Variants in GALNT14 observed in about 807,000 individuals in gnomAD.
The protein encoded by GALNT14 is polypeptide N-acetylgalactosaminyltransferase 14.
Under a neutral mutation model 77.5 loss-of-function variants are expected in GALNT14, and 60 were observed. The observed-to-expected ratio is 0.77, with a 90% CI of 0.63 to 0.96. The LOEUF is 0.96. Ranked by LOEUF, GALNT14 falls within the 40% of genes least tolerant of loss-of-function variation. The probability of loss-of-function intolerance (pLI) is 0.00; values close to 1 mark genes in which losing one functional copy is unlikely to be tolerated. For synonymous variants in GALNT14, 280 were observed against 281.7 expected (o/e 0.99, Z 0.06); for missense variants, 710 against 731.0 (o/e 0.97, Z 0.33).
chr2:30,995,960 G>A (rs1200102647), intron 1 of GALNT14, among the ~76,000 whole-genome samples: 9 of 152,186 alleles, frequency 5.9e-5, no homozygotes, highest in South Asian at 4.1e-4. Flanking sequence ...GAGTCTGAAC[G>A]CAGGAAAAGC....
intron 6 of GALNT14, among the ~76,000 whole-genome samples, chr2:30,954,250 C>T (rs1224235379): frequency 6.6e-6 from 1 of 152,164 alleles, no homozygotes; most frequent in East Asian, 1.9e-4. Flanking sequence ...TGGAGGGAGG[C>T]GTGCATTTGG....
At chr2:30,945,695 G>T (rs904884528) in intron 7 of GALNT14, 88 bp downstream of exon 7, 1 of 1,077,358 alleles carries the variant, frequency 9.3e-7, no homozygotes, top group South Asian at 1.3e-5. Flanking sequence ...AAGCAACTAA[G>T]AGCTTTTCCT....
intron 1 of GALNT14, among the ~76,000 whole-genome samples, chr2:31,133,778 A>C (rs1359241462): frequency 6.6e-6 from 1 of 152,240 alleles, no homozygotes; most frequent in African/African-American, 2.4e-5. Flanking sequence ...TTACCATTCA[A>C]ATACAGTCTG....
At chr2:30,887,338 C>G in the GALNT14 span, among the ~76,000 whole-genome samples, 1 of 152,172 alleles carries the variant, frequency 6.6e-6, no homozygotes, top group South Asian at 2.1e-4. Flanking sequence ...CTCCTACCAG[C>G]AATGTGTAAC....
chr2:30,893,923 A>G, the GALNT14 span, among the ~76,000 whole-genome samples: 1 of 152,204 alleles, frequency 6.6e-6, no homozygotes, highest in Non-Finnish European at 1.5e-5. Flanking sequence ...ATTGGAAAAG[A>G]CAATTTGAAA....
chr2:30,966,411 T>C, intron 2 of GALNT14, 109 bp from the exon 3 acceptor site: 1 of 739,596 alleles, frequency 1.4e-6, no homozygotes, highest in Non-Finnish European at 2.4e-6. Context: ...ATGCTTGATA[T>C]CTAGAAGGGC....
chr2:30,903,359 C>T, the GALNT14 span, among the ~76,000 whole-genome samples: 1 of 152,216 alleles, frequency 6.6e-6, no homozygotes, highest in Non-Finnish European at 1.5e-5. Flanking sequence ...GCTGGCTACA[C>T]CTGATGCCTT....
intron 1 of GALNT14, among the ~76,000 whole-genome samples, chr2:31,096,909 C>G (rs957806980): frequency 6.6e-6 from 1 of 152,122 alleles, no homozygotes; most frequent in Non-Finnish European, 1.5e-5. Flanking sequence ...GAATCCAGGT[C>G]CCCACTTTAC....
intron 1 of GALNT14, among the ~76,000 whole-genome samples, chr2:31,055,951 G>A (rs542704611): frequency 9.8e-5 from 15 of 152,296 alleles, no homozygotes; most frequent in East Asian, 7.7e-4. Context: ...TCCAACCAGC[G>A]TGCAACTTGG....
intron 3 of GALNT14, among the ~76,000 whole-genome samples, chr2:30,961,550 T>G (rs1184707928): frequency 6.6e-6 from 1 of 152,160 alleles, no homozygotes; most frequent in African/African-American, 2.4e-5. Flanking sequence ...ATATTAATAA[T>G]ATTGAAGCTA....
intron 1 of GALNT14, chr2:31,072,930 G>A (rs1430321339): frequency 6.6e-6 from 1 of 152,184 alleles, no homozygotes; most frequent in African/African-American, 2.4e-5. Flanking sequence ...ACAGTTGAGT[G>A]TTAGATGCAC....
At chr2:30,906,317 C>A (rs1257791457), downstream of GALNT14, among the ~76,000 whole-genome samples, 1 of 150,656 alleles carries the variant, frequency 6.6e-6, no homozygotes, top group East Asian at 1.9e-4. Flanking sequence ...AAACCCATCT[C>A]ACGTGCAGAG....
In GALNT14 at chr2:31,039,001, C is replaced by T. The variant is rs534439847; in HGVS notation, c.130-45994G>A. ...CCTCAAGCAATCCACCCACCTCAGC[C>T]TTCCAGTGCTGGGATTGCAGGCGTG... On this transcript the variant is annotated intron_variant, in intron 1 of 14. Transcript: ENST00000349752. 1.1e-3 allele frequency among the ~76,000 whole-genome samples: 163 copies of T among 152,306 alleles called. 2 individuals carry two copies. The highest frequency in any genetic ancestry group is 3.5e-4 in the Non-Finnish European group (24 of 68,034).
chr2:30,928,720 G>A (rs892469596), intron 11 of GALNT14, among the ~76,000 whole-genome samples: 17 of 152,008 alleles, frequency 1.1e-4, no homozygotes, highest in South Asian at 2.1e-4. Flanking sequence ...AGGTTCAAGC[G>A]ATTCTCCTGC....
At chr2:30,974,886 G>C (rs977362921) in intron 2 of GALNT14, among the ~76,000 whole-genome samples, 2 of 152,224 alleles carry the variant, frequency 1.3e-5, no homozygotes, top group Non-Finnish European at 2.9e-5. Context: ...TGAAGAATGA[G>C]TGGAGGGATA....
At chr2:30,993,118 G>T in intron 1 of GALNT14, 111 bp from the exon 2 acceptor site, 2 of 1,137,518 alleles carry the variant, frequency 1.8e-6, no homozygotes, top group Non-Finnish European at 2.5e-6. Context: ...GCAAGGTTTG[G>T]CTCAAAGATG....
intron 1 of GALNT14, among the ~76,000 whole-genome samples, chr2:31,011,111 T>C (rs1207410663): frequency 1.3e-5 from 2 of 152,166 alleles, no homozygotes; most frequent in Non-Finnish European, 2.9e-5. Context: ...GAGAGCTGGG[T>C]CTGCAATCTC....
intron 1 of GALNT14, among the ~76,000 whole-genome samples, chr2:31,108,045 C>A (rs777322815): frequency 6.6e-6 from 1 of 152,214 alleles, no homozygotes; most frequent in Non-Finnish European, 1.5e-5. Context: ...TGTCCTGTCT[C>A]ATATCTCTGG....
chr2:30,952,076 C>T (rs780756730), intron 6 of GALNT14, among the ~76,000 whole-genome samples: 8 of 152,128 alleles, frequency 5.3e-5, no homozygotes, highest in Non-Finnish European at 1.2e-4. Flanking sequence ...ATTCTCTCGG[C>T]AAGGAGCAAA....
Sources: gnomAD v4.1 joint callset for allele counts (sites outside exome capture counted in the v4.1 genomes callset) on GRCh38, gnomAD v4.1.1 for gene constraint, MANE v1.5 for transcripts, NCBI Gene and HGNC (gene_info 2026-07-23, HGNC 2026-07-21) for gene names.